Variants in DOK6 observed in about 807,000 individuals in gnomAD.
DOK6 encodes docking protein 6, also known as downstream of tyrosine kinase 6.
DOK6 carries 22 observed loss-of-function variants against 44.0 expected under a neutral mutation model. The observed-to-expected ratio is 0.50, with a 90% CI of 0.36 to 0.71. The LOEUF is 0.71. DOK6 is among the 30% of genes least tolerant of loss of function. The pLI is 0.00. For missense variants in DOK6, 340 were observed against 416.4 expected (o/e 0.82, Z 1.60); for synonymous variants, 166 against 145.5 (o/e 1.14, Z -1.01).
chr18:69,551,853 A>G (rs1309336499), intron 1 of DOK6, among the ~76,000 whole-genome samples: 2 of 152,122 alleles, frequency 1.3e-5, no homozygotes, highest in Admixed American at 6.6e-5. Flanking sequence ...TACATTTTGA[A>G]TTTTCCAAAT....
At chr18:69,496,834 A>C (rs1980905659) in intron 1 of DOK6, among the ~76,000 whole-genome samples, 1 of 152,228 alleles carries the variant, frequency 6.6e-6, no homozygotes, top group Non-Finnish European at 1.5e-5. Context: ...AGTAATTTTC[A>C]GGCTTCCAGA....
At chr18:69,512,633 C>T (rs1168689418) in intron 1 of DOK6, among the ~76,000 whole-genome samples, 2 of 152,050 alleles carry the variant, frequency 1.3e-5, no homozygotes, top group Non-Finnish European at 2.9e-5. Context: ...CGTGAGCCAC[C>T]GCGCCTGGCC....
intron 1 of DOK6, among the ~76,000 whole-genome samples, chr18:69,429,527 T>C (rs1978737056): frequency 6.7e-6 from 1 of 149,954 alleles, no homozygotes; most frequent in Non-Finnish European, 1.5e-5. Context: ...AAATATATGT[T>C]GAAAACCACA....
chr18:69,811,645 A>G (rs12969746), intron 7 of DOK6, among the ~76,000 whole-genome samples: 1 of 148,672 alleles, frequency 6.7e-6, no homozygotes, highest in Admixed American at 6.7e-5. Context: ...TAACTTTTAA[A>G]AAGATATGTA....
At chr18:69,611,529 C>CACACACACACACA (rs1984140310) in intron 3 of DOK6, among the ~76,000 whole-genome samples, 2 of 135,728 alleles carry the variant, frequency 1.5e-5, no homozygotes, top group Admixed American at 7.5e-5. Context: ...CACACACACA[C>CACACACACACACA]CTGAATGTTT....
chr18:69,725,109 T>C (rs1289121339), intron 5 of DOK6: 1 of 152,262 alleles, frequency 6.6e-6, no homozygotes, highest in Non-Finnish European at 1.5e-5. Context: ...AAACTATTTT[T>C]GGAAATATGA....
intron 7 of DOK6, among the ~76,000 whole-genome samples, chr18:69,834,385 G>A (rs1210877257): frequency 6.6e-6 from 1 of 152,170 alleles, no homozygotes; most frequent in African/African-American, 2.4e-5. Flanking sequence ...AGGGAAAGTG[G>A]AAGAAGGAGA....
intron 7 of DOK6, among the ~76,000 whole-genome samples, chr18:69,830,667 A>T (rs902283879): frequency 2.6e-5 from 4 of 152,180 alleles, no homozygotes; most frequent in African/African-American, 9.6e-5. Context: ...ACCTGTTTGA[A>T]TTGTTTTTTG....
At chr18:69,478,483 C>A (rs113936377) in intron 1 of DOK6, among the ~76,000 whole-genome samples, 11 of 151,734 alleles carry the variant, frequency 7.2e-5, no homozygotes, top group Non-Finnish European at 1.6e-4. Context: ...GTTTTATTTC[C>A]TAATCTAAAA....
At chr18:69,806,846 A>G (rs996906613) in intron 7 of DOK6, among the ~76,000 whole-genome samples, 8 of 152,008 alleles carry the variant, frequency 5.3e-5, no homozygotes, top group African/African-American at 1.4e-4. Context: ...TGTAAACACG[A>G]TCCAATCAAG....
intron 7 of DOK6, among the ~76,000 whole-genome samples, chr18:69,770,722 T>A (rs1979862973): frequency 6.6e-6 from 1 of 152,142 alleles, no homozygotes; most frequent in South Asian, 2.1e-4. Context: ...TCCAGCTTTT[T>A]AACTAAGCTT....
intron 6 of DOK6, among the ~76,000 whole-genome samples, chr18:69,753,769 A>AAT (rs1338862607): frequency 6.6e-6 from 1 of 152,178 alleles, no homozygotes; most frequent in Non-Finnish European, 1.5e-5. Context: ...TAGTCTTATA[A>AAT]ATAACAAGGG....
intron 7 of DOK6, among the ~76,000 whole-genome samples, chr18:69,808,029 G>T (rs1178819717): frequency 1.3e-5 from 2 of 151,768 alleles, no homozygotes; most frequent in East Asian, 3.8e-4. Context: ...TTCCATGTTA[G>T]ATCACATGTT....
In DOK6 at chr18:69,724,419, A is replaced by T. The variant is rs553150626; in HGVS notation, c.600-14546A>T. ...TTTAACAACTAGCAAAGCTGAAAGAAATATTTTTCACTAAGATTGCTTTGA... is the reference window on the plus strand; with the variant it reads ...TTTAACAACTAGCAAAGCTGAAAGATATATTTTTCACTAAGATTGCTTTGA... On this transcript the variant is annotated intron_variant, in intron 5 of 7. Transcript: ENST00000382713. Among the ~76,000 whole-genome samples the T allele has an allele frequency of 2.6e-5, 4 of 152,354 alleles. No homozygotes were observed. In the South Asian group the frequency reaches 8.3e-4, roughly 32 times the overall value.
chr18:69,448,785 G>C (rs769715697), intron 1 of DOK6, among the ~76,000 whole-genome samples: 7 of 152,186 alleles, frequency 4.6e-5, no homozygotes, highest in Non-Finnish European at 8.8e-5. Context: ...ATAAATGTTA[G>C]TTGCAATAAA....
chr18:69,425,195 A>G (rs1009530907), intron 1 of DOK6, among the ~76,000 whole-genome samples: 3 of 152,112 alleles, frequency 2.0e-5, no homozygotes, highest in South Asian at 2.1e-4. Context: ...CCTTATGTGC[A>G]TTGTATCATT....
intron 7 of DOK6, among the ~76,000 whole-genome samples, chr18:69,808,046 C>T (rs1298608001): frequency 6.6e-6 from 1 of 151,720 alleles, no homozygotes; most frequent in African/African-American, 2.4e-5. Context: ...TGTTAGGCCA[C>T]AATACAAGTC....
intron 3 of DOK6, among the ~76,000 whole-genome samples, chr18:69,650,425 C>A (rs1191359825): frequency 3.9e-5 from 6 of 152,138 alleles, no homozygotes; most frequent in Admixed American, 3.9e-4. Context: ...TCTTCCCTAT[C>A]ACATATGAGC....
At chr18:69,401,368 C>CG (rs1916094762) in intron 1 of DOK6, 58 bp downstream of exon 1, 15 of 1,380,892 alleles carry the variant, frequency 1.1e-5, no homozygotes, top group East Asian at 6.2e-5. Flanking sequence ...GGCTGGCTGC[C>CG]TGGGGGGGGG....
Sources: gnomAD v4.1 joint callset for allele counts (sites outside exome capture counted in the v4.1 genomes callset) on GRCh38, gnomAD v4.1.1 for gene constraint, MANE v1.5 for transcripts, NCBI Gene and HGNC (gene_info 2026-07-23, HGNC 2026-07-21) for gene names.